PLBD2: variants seen among roughly 807,000 people sequenced by gnomAD.
PLBD2 encodes phospholipase B domain containing 2.
In PLBD2, 51 loss-of-function variants were observed where a neutral mutation model predicts 68.3. The observed-to-expected ratio is 0.75, with a 90% CI of 0.60 to 0.94. The LOEUF is 0.94. Among genes scored for constraint, PLBD2 ranks in the 40% least tolerant of loss-of-function variants. The probability of loss-of-function intolerance (pLI) is 0.00; values close to 1 mark genes in which losing one functional copy is unlikely to be tolerated. For synonymous variants in PLBD2, 314 were observed against 339.3 expected (o/e 0.93, Z 0.82); for missense variants, 729 against 792.2 (o/e 0.92, Z 0.96).
Position 113,369,159 on chromosome 12 carries a change from A to C in PLBD2, c.334A>C (p.Ser112Arg), listed in dbSNP as rs942859360. 6.2e-7 allele frequency: 1 copy of C among 1,607,680 alleles called. No individual in the cohort carries two copies. Among genetic ancestry groups the C allele is most frequent in the Non-Finnish European group, 8.5e-7 (1 of 1,177,284 alleles). The change falls in exon 2 of 12, where the codon AGC becomes CGC. Residue 112 changes from serine (S) to arginine (R), a missense_variant. Physicochemically the swap from Ser to Arg is moderately radical, Grantham distance 110 (BLOSUM62 -1). Coordinates refer to ENST00000280800, the MANE Select transcript of PLBD2 (RefSeq NM_173542.4). ...GGGCACAAGTGGCCAATACAATGACAGCTTGCAGGCCTATGCAGCCGGTGT... is the reference window on the plus strand; with the variant it reads ...GGGCACAAGTGGCCAATACAATGACCGCTTGCAGGCCTATGCAGCCGGTGT... Reference protein sequence around the residue: ...ELGTSGQYNDSLQAYAAGVVE... With the variant: ...ELGTSGQYNDRLQAYAAGVVE...
At chr12:113,380,352 G>A (rs1161057763) in intron 5 of PLBD2, among the ~76,000 whole-genome samples, 8 of 152,166 alleles carry the variant, frequency 5.3e-5, no homozygotes, top group Admixed American at 5.2e-4. Context: ...AGCCAGGATG[G>A]TCTTGGTCTC....
In PLBD2 at chr12:113,384,483, CAGGA is replaced by C. The variant is rs1957529767; in HGVS notation, c.1118+221_1118+224del. On this transcript the variant is annotated intron_variant, in intron 7 of 11. Transcript: ENST00000280800. This position sits in a 1 kb window ranked among gnomAD's most constrained non-coding sequence, Gnocchi z 4.2. ...AGGAAGGGGTGCCTTGGTGGCAGTA[CAGGA>C]AGAGCACTTGGAACCTGAAGACTCT... Among the ~76,000 whole-genome samples the C allele has an allele frequency of 6.6e-6, 1 of 152,162 alleles. No homozygotes were observed. The highest frequency in any genetic ancestry group is 1.5e-5 in the Non-Finnish European group (1 of 68,026).
At position 113,375,017 on chromosome 12, in the gene PLBD2, T is replaced by G. The variant is rs1161454097; in HGVS notation, c.859+10T>G. ...CGGGAAGGCCCCTGGGGTAGGTGGG[T>G]GTGGGTGTGTCTGGGGGATGAGCAG... On this transcript the variant is annotated intron_variant, in intron 5 of 11. Coordinates refer to ENST00000280800, the MANE Select transcript of PLBD2 (RefSeq NM_173542.4). 6.2e-7 allele frequency: 1 copy of G among 1,613,360 alleles called. No homozygotes were observed. Among genetic ancestry groups the G allele is most frequent in the East Asian group, 2.2e-5 (1 of 44,884 alleles).
rs1957426275 is a variant in PLBD2, at chr12:113,374,926, G to A, written c.778G>A (p.Ala260Thr). The A allele has an allele frequency of 2.5e-6, 4 of 1,614,040 alleles. No individual in the cohort carries two copies. The highest frequency in any genetic ancestry group is 3.4e-6 in the Non-Finnish European group (4 of 1,180,046). Reference sequence around the variant, plus strand: ...CCCTGGCCAGAGTGACCTCCTGGTTGCCCACAACACCTGGAACAACTACCA... The same window carrying A: ...CCCTGGCCAGAGTGACCTCCTGGTTACCCACAACACCTGGAACAACTACCA... ...LLPGQSDLLVAHNTWNNYQHM... is the reference protein window; with the variant it reads ...LLPGQSDLLVTHNTWNNYQHM... The change falls in exon 5 of 12, where the codon GCC becomes ACC. Residue 260 changes from alanine (A) to threonine (T), a missense_variant. Transcript: ENST00000280800.
intron 5 of PLBD2, among the ~76,000 whole-genome samples, chr12:113,377,923 A>G (rs1957449412): frequency 6.6e-6 from 1 of 152,236 alleles, no homozygotes; most frequent in African/African-American, 2.4e-5. Context: ...CACTCTCACA[A>G]TGAAAATCAC....
intron 1 of PLBD2, among the ~76,000 whole-genome samples, 181 bp downstream of exon 1, chr12:113,359,071 A>G (rs1020040198): frequency 6.6e-6 from 1 of 152,210 alleles, no homozygotes; most frequent in South Asian, 2.1e-4. Flanking sequence ...GGAGCTGGCT[A>G]CTGCGGCATC....
At position 113,388,815 on chromosome 12, in the gene PLBD2, C is replaced by G; in HGVS notation, c.*189C>G. On this transcript the variant is annotated 3_prime_UTR_variant, in exon 12 of 12. Transcript: ENST00000280800. ...CTCAGAACTGACCCCCTCTCTCCCC[C>G]GAGGTGGGTGGGCACCGTGGCGTCT... The G allele has an allele frequency of 1.8e-6, 1 of 550,490 alleles. No individual in the cohort carries two copies. The highest frequency in any genetic ancestry group is 4.0e-5 in the Admixed American group (1 of 25,040). 34.1% of individuals were successfully genotyped at this position (550,490 alleles called of 1,614,324 possible).
Position 113,372,972 on chromosome 12 carries a change from A to G in PLBD2, c.543+165A>G, listed in dbSNP as rs138340737. On this transcript the variant is annotated intron_variant, in intron 3 of 11. Coordinates refer to ENST00000280800, the MANE Select transcript of PLBD2 (RefSeq NM_173542.4). The surrounding 1 kb of genome is among the most constrained non-coding windows in gnomAD (Gnocchi z 4.2). Reference sequence around the variant, plus strand: ...CGACCTGCCACTCATCCATCTGCCCAGTCTCCATCTGTCCACTTGCTGGAA... The same window carrying G: ...CGACCTGCCACTCATCCATCTGCCCGGTCTCCATCTGTCCACTTGCTGGAA... Among the ~76,000 whole-genome samples the G allele has an allele frequency of 6.0e-4, 92 of 152,362 alleles. 1 individual carries two copies. The highest frequency in any genetic ancestry group is 2.2e-3 in the African/African-American group (92 of 41,574).
intron 2 of PLBD2, among the ~76,000 whole-genome samples, chr12:113,370,472 C>CTTTTTTT (rs71086162): frequency 4.0e-4 from 41 of 103,618 alleles, no homozygotes; most frequent in Non-Finnish European, 5.5e-4. Flanking sequence ...TTTTTCTTTT[C>CTTTTTTT]TTTTTTTTTT....
At chr12:113,362,701 C>T (rs1191332675) in intron 1 of PLBD2, among the ~76,000 whole-genome samples, 1 of 151,802 alleles carries the variant, frequency 6.6e-6, no homozygotes, top group East Asian at 1.9e-4. Context: ...CAACCCCTGT[C>T]AGCGTTTATC....
rs913620473 is a variant in PLBD2, at chr12:113,362,940, A to G, written c.290+4050A>G. ...GCTGGGATTACAGGTGTGAGCCACT[A>G]TACCCAGCTAATTTTTTTTTTTTTT... On this transcript the variant is annotated intron_variant, in intron 1 of 11. Coordinates refer to ENST00000280800, the MANE Select transcript of PLBD2 (RefSeq NM_173542.4). Among the ~76,000 whole-genome samples the G allele has an allele frequency of 2.7e-5, 4 of 150,072 alleles. No individual in the cohort carries two copies. In the Admixed American group the frequency reaches 2.7e-4, roughly 10 times the overall value.
At chr12:113,377,405 G>A (rs963127834) in intron 5 of PLBD2, among the ~76,000 whole-genome samples, 34 of 151,920 alleles carry the variant, frequency 2.2e-4, no homozygotes, top group Admixed American at 2.2e-3. Context: ...CATCATCTCT[G>A]TCCTGATTTC....
At chr12:113,358,960 T>C in intron 1 of PLBD2, 70 bp downstream of exon 1, 1 of 1,419,532 alleles carries the variant, frequency 7.0e-7, no homozygotes, top group South Asian at 1.4e-5. Context: ...ACCTCGCCTG[T>C]TCCCGGGACC....
intron 1 of PLBD2, among the ~76,000 whole-genome samples, chr12:113,362,930 G>T (rs1356268609): frequency 2.0e-5 from 3 of 151,228 alleles, no homozygotes; most frequent in Non-Finnish European, 2.9e-5. Flanking sequence ...GATTACAGGT[G>T]TGAGCCACTA....
chr12:113,372,539 C>T lies in PLBD2; in HGVS notation c.385-110C>T, dbSNP rs991632126. ...GGAGAGGACAGCATGAGCAAGGACTCAGGTGGCCACACCAGCAGCCTCCGC... is the reference window on the plus strand; with the variant it reads ...GGAGAGGACAGCATGAGCAAGGACTTAGGTGGCCACACCAGCAGCCTCCGC... On this transcript the variant is annotated intron_variant, in intron 2 of 11. Transcript: ENST00000280800. The surrounding 1 kb of genome is among the most constrained non-coding windows in gnomAD (Gnocchi z 4.2). 2.0e-5 allele frequency: 23 copies of T among 1,164,988 alleles called. No homozygotes were observed. The highest frequency in any genetic ancestry group is 2.7e-5 in the Non-Finnish European group (22 of 815,284). 72.2% of individuals were successfully genotyped at this position (1,164,988 alleles called of 1,614,324 possible).
chr12:113,377,888 T>C (rs959131043), intron 5 of PLBD2, among the ~76,000 whole-genome samples: 9 of 152,236 alleles, frequency 5.9e-5, no homozygotes, highest in African/African-American at 2.2e-4. Context: ...AGGTATGTTA[T>C]AGAACATTGG....
At chr12:113,367,950 C>T (rs1440270290) in intron 1 of PLBD2, among the ~76,000 whole-genome samples, 1 of 151,874 alleles carries the variant, frequency 6.6e-6, no homozygotes, top group Admixed American at 6.6e-5. Context: ...GGTGTGGTGG[C>T]TCACACCTGT....
chr12:113,382,867 G>GT (rs67376686), intron 6 of PLBD2, among the ~76,000 whole-genome samples: 1,034 of 81,844 alleles, frequency 0.013, 58 homozygotes, highest in Non-Finnish European at 0.015. Context: ...GTGTGTGTGT[G>GT]TTTTTTTTTT....
chr12:113,386,827 G>A (rs547156680), intron 9 of PLBD2, 110 bp from the exon 10 acceptor site: 34 of 1,311,376 alleles, frequency 2.6e-5, no homozygotes, highest in Admixed American at 1.4e-4. Context: ...CCTGAATGTC[G>A]TAGTTGTAAG....
Sources: gnomAD v4.1 joint callset for allele counts (sites outside exome capture counted in the v4.1 genomes callset) on GRCh38, gnomAD v4.1.1 for gene constraint, Gnocchi (gnomAD v3.1) non-coding constraint, MANE v1.5 for transcripts, NCBI Gene and HGNC (gene_info 2026-07-23, HGNC 2026-07-21) for gene names.